MYO1H: variants seen among roughly 807,000 people sequenced by gnomAD.
MYO1H encodes the protein unconventional myosin-Ih.
MYO1H carries 118 observed loss-of-function variants against 149.3 expected under a neutral mutation model. That is an observed-to-expected ratio of 0.79 (90% confidence interval 0.68 to 0.92). The LOEUF (loss-of-function observed/expected upper bound fraction) is 0.92, where lower values mean the gene tolerates loss of function less well. MYO1H is among the 40% of genes least tolerant of loss of function. MYO1H has a pLI of 0.00. For missense variants in MYO1H, 1,212 were observed against 1,280.7 expected (o/e 0.95, Z 0.82); for synonymous variants, 447 against 465.2 (o/e 0.96, Z 0.50).
intron 1 of MYO1H, among the ~76,000 whole-genome samples, chr12:109,352,599 C>T (rs903667388): frequency 3.3e-5 from 5 of 152,100 alleles, no homozygotes; most frequent in South Asian, 2.1e-4. Flanking sequence ...TTTTTCTCCC[C>T]GACATGTATG....
At chr12:109,367,953 A>G (rs1036924703) in intron 1 of MYO1H, among the ~76,000 whole-genome samples, 1 of 152,178 alleles carries the variant, frequency 6.6e-6, no homozygotes. Flanking sequence ...TTCTGGGCTC[A>G]TATGATGCTC....
chr12:109,371,186 C>T (rs983750643), intron 1 of MYO1H, among the ~76,000 whole-genome samples: 2 of 149,062 alleles, frequency 1.3e-5, no homozygotes, highest in Admixed American at 6.7e-5. Flanking sequence ...TGTGTACACA[C>T]GTACATTGGT....
chr12:109,332,973 G>A, the MYO1H span, among the ~76,000 whole-genome samples: 1 of 151,852 alleles, frequency 6.6e-6, no homozygotes, highest in East Asian at 1.9e-4. Flanking sequence ...GACATAATTT[G>A]TATTATGACC....
intron 1 of MYO1H, among the ~76,000 whole-genome samples, chr12:109,350,782 A>G (rs1868447641): frequency 6.6e-6 from 1 of 152,238 alleles, no homozygotes; most frequent in Non-Finnish European, 1.5e-5. Context: ...TCAAAGTGAT[A>G]TAGGTAATTT....
intron 19 of MYO1H, among the ~76,000 whole-genome samples, chr12:109,432,554 A>G (rs1871677428): frequency 6.6e-6 from 1 of 152,146 alleles, no homozygotes; most frequent in Non-Finnish European, 1.5e-5. Context: ...GCTACACCCA[A>G]TGGCTGCTAT....
chr12:109,443,103 C>CGTATGTGTGTATATGT (rs1491439990), intron 27 of MYO1H, among the ~76,000 whole-genome samples: 1 of 64,320 alleles, frequency 1.6e-5, no homozygotes, highest in Non-Finnish European at 3.5e-5. Flanking sequence ...TATATGTGTA[C>CGTATGTGTGTATATGT]GTATATGTGT....
chr12:109,409,235 T>G (rs1870539746), intron 10 of MYO1H, among the ~76,000 whole-genome samples: 1 of 107,328 alleles, frequency 9.3e-6, no homozygotes, highest in African/African-American at 4.6e-5. Context: ...TTTCTTCTTC[T>G]TCTTCTTCTT....
At chr12:109,411,853 G>GT (rs1355397197) in intron 13 of MYO1H, 41 bp from the exon 14 acceptor site, 1 of 1,412,744 alleles carries the variant, frequency 7.1e-7, no homozygotes, top group African/African-American at 1.4e-5. Flanking sequence ...CATTGATGGA[G>GT]TGTGGTGCTG....
In MYO1H at chr12:109,440,847, G is replaced by T. The variant is rs1479029542; in HGVS notation, c.2538+20G>T. The T allele has an allele frequency of 6.6e-7, 1 of 1,518,704 alleles. No homozygotes were observed. Among genetic ancestry groups the T allele is most frequent in the African/African-American group, 1.4e-5 (1 of 72,410 alleles). 94.1% of individuals were successfully genotyped at this position (1,518,704 alleles called of 1,614,324 possible). A position where few individuals can be genotyped will look rare whatever the true frequency, so the allele number is the denominator to read the frequency against. Reference sequence around the variant, plus strand: ...GCAATGGTAGGGACATGATGTCTGCGGTGGCCGGTGGTGGGGGTGGGTGTA... The same window carrying T: ...GCAATGGTAGGGACATGATGTCTGCTGTGGCCGGTGGTGGGGGTGGGTGTA... On this transcript the variant is annotated intron_variant, in intron 25 of 31. Coordinates refer to ENST00000310903, the Ensembl canonical transcript of MYO1H.
At chr12:109,401,308 T>C in intron 6 of MYO1H, 36 bp downstream of exon 6, 1 of 1,576,050 alleles carries the variant, frequency 6.3e-7, no homozygotes. Flanking sequence ...GGTGACTCTT[T>C]GGAGCAGGGG....
chr12:109,355,044 T>G (rs1015233162), intron 1 of MYO1H, among the ~76,000 whole-genome samples: 1 of 152,296 alleles, frequency 6.6e-6, no homozygotes, highest in Non-Finnish European at 1.5e-5. Context: ...GGTCTAGTTG[T>G]GGGAAAAGAA....
chr12:109,443,040 G>GTGTGTATATATATGTGTACGTA lies in MYO1H; in HGVS notation c.2689-469_2689-468insATATATATGTGTACGTATGTGT, dbSNP rs1592823030. 1.5e-3 allele frequency among the ~76,000 whole-genome samples: 66 copies of GTGTGTATATATATGTGTACGTA among 42,728 alleles called. 8 individuals carry two copies. The highest frequency in any genetic ancestry group is 4.7e-3 in the African/African-American group (62 of 13,124). The allele number at this position is 42,728 out of a possible 152,430, so 28.0% of individuals were successfully genotyped here. ...TATATATATATATATGTGTGTGTGTGTGTGTGTATATATGTGTACGTATGT... is the reference window on the plus strand; with the variant it reads ...TATATATATATATATGTGTGTGTGTGTGTGTATATATATGTGTACGTATGTGTGTATATATGTGTACGTATGT... On this transcript the variant is annotated intron_variant, in intron 27 of 31. Transcript: ENST00000310903.
chr12:109,340,411 C>T, the MYO1H span, among the ~76,000 whole-genome samples: 1 of 152,170 alleles, frequency 6.6e-6, no homozygotes, highest in Admixed American at 6.6e-5. Context: ...TTAGGTGATC[C>T]ACCTGCCTTG....
At chr12:109,439,925 T>C in intron 24 of MYO1H, 135 bp downstream of exon 24, 1 of 775,940 alleles carries the variant, frequency 1.3e-6, no homozygotes, top group Non-Finnish European at 2.1e-6. Context: ...CCAAGGATGC[T>C]GCACAAGAAA....
At chr12:109,429,641 A>AT (rs1871526758) in intron 19 of MYO1H, among the ~76,000 whole-genome samples, 26 of 152,184 alleles carry the variant, frequency 1.7e-4, no homozygotes, top group Admixed American at 1.7e-3. Context: ...GGGTCCTGGA[A>AT]CCAATTCCCC....
At chr12:109,427,445 A>G (rs1179842474) in intron 18 of MYO1H, 24 bp from the exon 19 acceptor site, 1 of 1,476,312 alleles carries the variant, frequency 6.8e-7, no homozygotes, top group Middle Eastern at 1.7e-4. Context: ...CTTTCCTGTC[A>G]TTCTCTGTTC....
intron 2 of MYO1H, among the ~76,000 whole-genome samples, chr12:109,391,761 T>C (rs1483419329): frequency 6.6e-6 from 1 of 152,224 alleles, no homozygotes; most frequent in African/African-American, 2.4e-5. Flanking sequence ...CCATTCTGAC[T>C]GGTGTGAGAT....
chr12:109,447,338 A>AT, exon 32 of MYO1H: 3 of 721,478 alleles, frequency 4.2e-6, no homozygotes, highest in Non-Finnish European at 7.5e-6. Context: ...GCGTTAGGCC[A>AT]AAGCCTAATC....
Position 109,406,044 on chromosome 12 carries a change from C to A in MYO1H, c.963+9C>A. ...TCAAGTGGATAGCCAAGGTGATGCT[C>A]CTCTTTTGGAGAGGACAGAAGGAGG... is the stretch of plus-strand genomic sequence containing the variant. On this transcript the variant is annotated intron_variant, in intron 8 of 31. Coordinates refer to ENST00000310903, the Ensembl canonical transcript of MYO1H. The A allele has an allele frequency of 1.3e-6, 2 of 1,594,416 alleles. No homozygotes were observed.
Sources: allele counts gnomAD v4.1 joint callset (sites outside exome capture counted in the v4.1 genomes callset), GRCh38; gene constraint gnomAD v4.1.1; transcripts MANE v1.5; gene names NCBI Gene and HGNC (gene_info 2026-07-23, HGNC 2026-07-21).